Variants in GPHN observed in about 807,000 individuals in gnomAD.
GPHN encodes the protein gephyrin.
In GPHN, 17 loss-of-function variants were observed where a neutral mutation model predicts 95.5. The ratio of observed to expected loss-of-function variants is 0.18; its 90% CI spans 0.12 to 0.27. The LOEUF is 0.27. GPHN is among the 10% of genes least tolerant of loss of function. The pLI, the probability that GPHN is intolerant of heterozygous loss-of-function variation, is 1.00. For missense variants in GPHN, 660 were observed against 978.1 expected, an observed-to-expected ratio of 0.67 and a Z score of 4.34; for synonymous variants, 320 against 322.5, an observed-to-expected ratio of 0.99 and a Z score of 0.08.
the GPHN span, among the ~76,000 whole-genome samples, chr14:67,514,907 G>A: frequency 1.3e-5 from 2 of 152,220 alleles, no homozygotes. Context: ...AACCGGGGCA[G>A]CAGCCTCGAA....
At chr14:67,304,592 C>A in the GPHN span, among the ~76,000 whole-genome samples, 1 of 152,070 alleles carries the variant, frequency 6.6e-6, no homozygotes, top group East Asian at 1.9e-4. Flanking sequence ...TAGGTAAATC[C>A]ATAGGAGAGA....
At chr14:67,221,692 G>T in the GPHN span, 1 of 1,560,138 alleles carries the variant, frequency 6.4e-7, no homozygotes, top group South Asian at 1.2e-5. Context: ...TTTAAAGAAT[G>T]ACCGGTTATT....
chr14:66,725,193 C>G (rs1023055082), intron 2 of GPHN, among the ~76,000 whole-genome samples: 9 of 152,136 alleles, frequency 5.9e-5, no homozygotes, highest in African/African-American at 2.2e-4. Flanking sequence ...ATGCTGGCAC[C>G]CTGATATTGG....
chr14:67,376,631 C>T, the GPHN span: 1 of 1,591,294 alleles, frequency 6.3e-7, no homozygotes, highest in Non-Finnish European at 8.6e-7. Context: ...CTTGATATCA[C>T]AACTCTTGGC....
the GPHN span, among the ~76,000 whole-genome samples, chr14:67,594,264 G>A: frequency 0.056 from 8,583 of 152,106 alleles, 495 homozygotes; most frequent in African/African-American, 0.15. Flanking sequence ...CAGGAGGATC[G>A]TTTGAGCCCA....
At chr14:66,646,702 G>C (rs1311422757) in intron 1 of GPHN, among the ~76,000 whole-genome samples, 2 of 151,728 alleles carry the variant, frequency 1.3e-5, no homozygotes, top group East Asian at 3.9e-4. Flanking sequence ...ACAGAATGTA[G>C]AATGGTGGTT....
chr14:66,689,914 T>TA (rs1347246595), intron 2 of GPHN, among the ~76,000 whole-genome samples: 13 of 152,066 alleles, frequency 8.5e-5, no homozygotes, highest in Non-Finnish European at 1.6e-4. Flanking sequence ...AGTCTTTTTT[T>TA]ATCTTGGTTT....
chr14:67,522,356 C>T, the GPHN span, among the ~76,000 whole-genome samples: 1 of 152,174 alleles, frequency 6.6e-6, no homozygotes, highest in African/African-American at 2.4e-5. Context: ...AATCCAAACT[C>T]CAAGCTGGTC....
chr14:66,548,737 A>G (rs1206840180), intron 1 of GPHN, among the ~76,000 whole-genome samples: 1 of 152,248 alleles, frequency 6.6e-6, no homozygotes, highest in East Asian at 1.9e-4. Context: ...AGATTAAATC[A>G]AAAGCTAGAA....
the GPHN span, among the ~76,000 whole-genome samples, chr14:67,527,565 A>C: frequency 6.6e-6 from 1 of 152,238 alleles, no homozygotes; most frequent in Non-Finnish European, 1.5e-5. Flanking sequence ...ATTTGTTTGC[A>C]GTGCCCTGCA....
At chr14:67,171,541 C>T (rs2140092187) in intron 21 of GPHN, among the ~76,000 whole-genome samples, 1 of 152,162 alleles carries the variant, frequency 6.6e-6, no homozygotes, top group East Asian at 1.9e-4. Flanking sequence ...TAGAAACATA[C>T]CTGGAGTAAC....
intron 8 of GPHN, among the ~76,000 whole-genome samples, chr14:66,933,387 T>C (rs2066929156): frequency 6.6e-6 from 1 of 152,214 alleles, no homozygotes; most frequent in Admixed American, 6.5e-5. Flanking sequence ...AGAACAGTCA[T>C]TTGGAATATC....
the GPHN span, among the ~76,000 whole-genome samples, chr14:67,561,332 C>T: frequency 4.6e-5 from 7 of 152,156 alleles, no homozygotes; most frequent in Non-Finnish European, 1.5e-5. Context: ...GGGTGGATTG[C>T]TCGACACTAG....
At chr14:66,635,963 T>G (rs10143121) in intron 1 of GPHN, among the ~76,000 whole-genome samples, 1 of 151,818 alleles carries the variant, frequency 6.6e-6, no homozygotes, top group Admixed American at 6.5e-5. Context: ...ACGGTGAAAC[T>G]CCGTCTCTAC....
the GPHN span, among the ~76,000 whole-genome samples, chr14:67,380,433 T>G: frequency 5.8e-4 from 88 of 152,328 alleles, 1 homozygote; most frequent in Non-Finnish European, 1.1e-3. Flanking sequence ...GGCATTAAAT[T>G]GCTTGTTTTA....
chr14:67,675,422 A>C, the GPHN span, among the ~76,000 whole-genome samples: 2 of 151,830 alleles, frequency 1.3e-5, no homozygotes, highest in Non-Finnish European at 2.9e-5. Context: ...CCACCACTGC[A>C]CTCCAGCTTT....
chr14:66,740,544 T>G (rs2072712857), intron 2 of GPHN, among the ~76,000 whole-genome samples: 1 of 150,876 alleles, frequency 6.6e-6, no homozygotes, highest in African/African-American at 2.4e-5. Flanking sequence ...CATTTAGTAC[T>G]TAAAAAAAAA....
At position 67,157,188 on chromosome 14, in the gene GPHN, C is replaced by A. The variant is rs577523672; in HGVS notation, c.1837-2227C>A. Reference sequence around the variant, plus strand: ...AGCTATATTGATAACAGAGAAAATTCTTTTTCTTTTCTTATAATACATTTT... The same window carrying A: ...AGCTATATTGATAACAGAGAAAATTATTTTTCTTTTCTTATAATACATTTT... On this transcript the variant is annotated intron_variant, in intron 18 of 22. Coordinates refer to ENST00000478722, the MANE Select transcript of GPHN (RefSeq NM_020806.5). Among the ~76,000 whole-genome samples, 98 of 151,754 alleles carry A rather than the reference C, an allele frequency of 6.5e-4. 1 individual carries two copies. The highest frequency in any genetic ancestry group is 2.2e-3 in the African/African-American group (92 of 41,376).
chr14:67,273,619 A>G, the GPHN span, among the ~76,000 whole-genome samples: 1 of 152,136 alleles, frequency 6.6e-6, no homozygotes, highest in Non-Finnish European at 1.5e-5. Context: ...ATGATTTATA[A>G]TCCTTTGGGT....
Sources: allele counts gnomAD v4.1 joint callset (sites outside exome capture counted in the v4.1 genomes callset), GRCh38; gene constraint gnomAD v4.1.1; transcripts MANE v1.5; gene names NCBI Gene and HGNC (gene_info 2026-07-23, HGNC 2026-07-21).